Variants in C12orf42 observed in about 807,000 individuals in gnomAD.
C12orf42 encodes the protein uncharacterized protein C12orf42.
Under a neutral mutation model 21.6 loss-of-function variants are expected in C12orf42, and 25 were observed. The observed-to-expected ratio is 1.16, with a 90% CI of 0.84 to 1.62. The LOEUF (loss-of-function observed/expected upper bound fraction) is 1.62. Among genes scored for constraint, C12orf42 ranks in the 40% most tolerant of loss-of-function variants. The pLI, the probability that C12orf42 is intolerant of heterozygous loss-of-function variation, is 0.00. For missense variants in C12orf42, 483 were observed against 459.3 expected, an observed-to-expected ratio of 1.05 and a Z score of -0.47; for synonymous variants, 174 against 175.0, an observed-to-expected ratio of 0.99 and a Z score of 0.05.
At chr12:103,072,070 C>A in the C12orf42 span, among the ~76,000 whole-genome samples, 1 of 152,240 alleles carries the variant, frequency 6.6e-6, no homozygotes, top group East Asian at 1.9e-4. Context: ...GTCAGTGATA[C>A]CATTTCTTGT....
At chr12:103,138,829 C>T in the C12orf42 span, among the ~76,000 whole-genome samples, 1 of 152,180 alleles carries the variant, frequency 6.6e-6, no homozygotes, top group South Asian at 2.1e-4. Flanking sequence ...CACACATCCC[C>T]TGCTATCCTT....
chr12:103,265,102 C>A (rs78136695), downstream of C12orf42, among the ~76,000 whole-genome samples: 611 of 152,226 alleles, frequency 4.0e-3, 5 homozygotes, highest in African/African-American at 0.014. Context: ...TGTATCCTCG[C>A]ATGGCAGAGA....
At chr12:103,168,066 G>A in the C12orf42 span, 1 of 455,826 alleles carries the variant, frequency 2.2e-6, no homozygotes, top group South Asian at 1.5e-5. Context: ...AACAAGAAAT[G>A]ATTACATTAT....
At chr12:103,303,775 T>G (rs2136490256) in intron 5 of C12orf42, among the ~76,000 whole-genome samples, 1 of 152,314 alleles carries the variant, frequency 6.6e-6, no homozygotes, top group South Asian at 2.1e-4. Flanking sequence ...CAGGAATCAC[T>G]TCCTGAAATA....
intron 10 of C12orf42, among the ~76,000 whole-genome samples, chr12:103,256,490 AAT>A (rs148006992): frequency 0.052 from 7,872 of 151,858 alleles, 484 homozygotes; most frequent in African/African-American, 0.15. Context: ...GAGGAAATCA[AAT>A]GGTGCCATGT....
At chr12:103,331,889 C>G (rs2041268564) in intron 4 of C12orf42, among the ~76,000 whole-genome samples, 1 of 152,054 alleles carries the variant, frequency 6.6e-6, no homozygotes, top group South Asian at 2.1e-4. Context: ...AGCATGAACT[C>G]CTATGGAGAA....
chr12:103,461,463 A>G (rs1193994427), intron 2 of C12orf42, among the ~76,000 whole-genome samples: 1 of 152,242 alleles, frequency 6.6e-6, no homozygotes, highest in African/African-American at 2.4e-5. Flanking sequence ...AAAAATGTAC[A>G]TAGACTATCT....
chr12:103,367,718 A>T (rs2044740492), intron 4 of C12orf42, among the ~76,000 whole-genome samples: 1 of 151,988 alleles, frequency 6.6e-6, no homozygotes, highest in South Asian at 2.1e-4. Context: ...AAGACTGTCT[A>T]CTATGTACCT....
chr12:103,483,161 C>A (rs1172698818), intron 1 of C12orf42, among the ~76,000 whole-genome samples: 1 of 151,908 alleles, frequency 6.6e-6, no homozygotes, highest in Non-Finnish European at 1.5e-5. Flanking sequence ...TTAGTTTGAA[C>A]CTTATATGTA....
At chr12:103,218,220 C>T in the C12orf42 span, among the ~76,000 whole-genome samples, 25 of 149,382 alleles carry the variant, frequency 1.7e-4, no homozygotes, top group Admixed American at 6.7e-4. Flanking sequence ...GCGGAAGTTG[C>T]GGTGAGTGGA....
At chr12:103,491,857 C>T (rs1236946432) in intron 1 of C12orf42, among the ~76,000 whole-genome samples, 1 of 152,148 alleles carries the variant, frequency 6.6e-6, no homozygotes, top group Non-Finnish European at 1.5e-5. Context: ...CAAAATAGGC[C>T]TTATTCTATG....
chr12:103,133,441 C>A, the C12orf42 span, among the ~76,000 whole-genome samples: 8 of 152,176 alleles, frequency 5.3e-5, no homozygotes, highest in Non-Finnish European at 1.2e-4. Flanking sequence ...CTTATGAAAC[C>A]TGTTGCCCAA....
At chr12:103,225,502 G>A in the C12orf42 span, among the ~76,000 whole-genome samples, 3 of 152,040 alleles carry the variant, frequency 2.0e-5, no homozygotes, top group African/African-American at 7.2e-5. Flanking sequence ...GGAGGGAGTA[G>A]AGGTATCTTA....
intron 3 of C12orf42, among the ~76,000 whole-genome samples, chr12:103,400,061 T>C (rs1214309856): frequency 1.3e-5 from 2 of 151,962 alleles, no homozygotes; most frequent in Non-Finnish European, 2.9e-5. Context: ...ATCTTAAAAG[T>C]TTTTAGTCCT....
intron 4 of C12orf42, among the ~76,000 whole-genome samples, chr12:103,332,830 C>A (rs1379821549): frequency 1.3e-5 from 2 of 152,220 alleles, no homozygotes. Flanking sequence ...CAATGTCCTG[C>A]AAATCCTAAA....
the C12orf42 span, among the ~76,000 whole-genome samples, chr12:103,158,299 C>T: frequency 6.6e-6 from 1 of 152,118 alleles, no homozygotes; most frequent in South Asian, 2.1e-4. Flanking sequence ...GTTCTTCTGG[C>T]ACCACATCAC....
chr12:103,110,973 G>A, the C12orf42 span, among the ~76,000 whole-genome samples: 80 of 152,246 alleles, frequency 5.3e-4, no homozygotes, highest in African/African-American at 1.8e-3. Context: ...CACCAATAAT[G>A]ACTGAAAGGG....
chr12:103,261,104 T>A (rs2034877927), intron 10 of C12orf42, among the ~76,000 whole-genome samples: 1 of 152,224 alleles, frequency 6.6e-6, no homozygotes, highest in South Asian at 2.1e-4. Context: ...AAACTTTGGG[T>A]CTCTTTATGA....
the C12orf42 span, among the ~76,000 whole-genome samples, chr12:103,112,638 G>A: frequency 6.6e-6 from 1 of 152,132 alleles, no homozygotes; most frequent in African/African-American, 2.4e-5. Flanking sequence ...TCCAGCCTGG[G>A]CAACAGAGTG....
Sources: allele counts gnomAD v4.1 joint callset (sites outside exome capture counted in the v4.1 genomes callset), GRCh38; gene constraint gnomAD v4.1.1; transcripts MANE v1.5; gene names NCBI Gene and HGNC (gene_info 2026-07-23, HGNC 2026-07-21).